Variants in KLHL29 observed in about 807,000 individuals in gnomAD.
The protein encoded by KLHL29 is kelch like family member 29.
Under a neutral mutation model 80.4 loss-of-function variants are expected in KLHL29, and 21 were observed. That is an observed-to-expected ratio of 0.26 (90% confidence interval 0.19 to 0.38). The LOEUF (loss-of-function observed/expected upper bound fraction) is 0.38, where lower values mean the gene tolerates loss of function less well. KLHL29 is among the 10% of genes least tolerant of loss of function. The pLI is 1.00. For missense variants in KLHL29, 867 were observed against 1,223.9 expected, an observed-to-expected ratio of 0.71 and a Z score of 4.35; for synonymous variants, 511 against 526.8, an observed-to-expected ratio of 0.97 and a Z score of 0.41.
At chr2:23,475,024 A>T (rs1387101047) in intron 1 of KLHL29, among the ~76,000 whole-genome samples, 6 of 151,534 alleles carry the variant, frequency 4.0e-5, no homozygotes, top group African/African-American at 1.2e-4. Flanking sequence ...AAAAAAAAAA[A>T]TTCTCCCCAG....
intron 2 of KLHL29, among the ~76,000 whole-genome samples, chr2:23,495,803 C>T (rs370075887): frequency 2.0e-5 from 3 of 152,210 alleles, no homozygotes; most frequent in South Asian, 2.1e-4. Context: ...AATCCCGCCA[C>T]GACTGTAGCA....
At chr2:23,388,914 G>T (rs1383101382) in intron 1 of KLHL29, among the ~76,000 whole-genome samples, 4 of 149,816 alleles carry the variant, frequency 2.7e-5, no homozygotes, top group Non-Finnish European at 4.4e-5. Context: ...CATCAATTCA[G>T]TCCAGCAGAA....
In KLHL29 at chr2:23,503,536, A is replaced by G. The variant is rs974898442; in HGVS notation, c.-46+27869A>G. On this transcript the variant is annotated intron_variant, in intron 2 of 13. Coordinates refer to ENST00000486442, the MANE Select transcript of KLHL29 (RefSeq NM_052920.2). The surrounding 1 kb of genome is among the most constrained non-coding windows in gnomAD (Gnocchi z 4.0). ...CCTAGGGATGGCTCCTGGTTCACGC[A>G]GGCTCCTCATAGGGTCCCTGCCGCT... Among the ~76,000 whole-genome samples, 1 of 151,930 alleles carries G rather than the reference A, an allele frequency of 6.6e-6. No individual in the cohort carries two copies. The highest frequency in any genetic ancestry group is 2.4e-5 in the African/African-American group (1 of 41,368).
intron 2 of KLHL29, among the ~76,000 whole-genome samples, chr2:23,493,425 A>AAG (rs1665163122): frequency 6.6e-6 from 1 of 152,188 alleles, no homozygotes; most frequent in African/African-American, 2.4e-5. Context: ...CCATGTATCT[A>AAG]ATCAGGGAGC....
chr2:23,699,572 G>A (rs981418982), intron 11 of KLHL29, among the ~76,000 whole-genome samples: 2 of 152,206 alleles, frequency 1.3e-5, no homozygotes, highest in African/African-American at 4.8e-5. Context: ...GCTGCCTCCT[G>A]TTGTCCTTTC....
At position 23,696,760 on chromosome 2, in the gene KLHL29, C is replaced by G. The variant is rs3795943; in HGVS notation, c.2105+247C>G. ...AGATGGGAGATGGGGCGCTTCTGTC[C>G]CGACAACCCATTTAGGTGTCAGACA... On this transcript the variant is annotated intron_variant, in intron 11 of 13. Coordinates refer to ENST00000486442, the MANE Select transcript of KLHL29 (RefSeq NM_052920.2). This position sits in a 1 kb window ranked among gnomAD's most constrained non-coding sequence, Gnocchi z 5.5. 0.56 allele frequency: 236,237 copies of G among 422,814 alleles called. 67,651 individuals carry two copies. The highest frequency in any genetic ancestry group is 0.81 in the East Asian group (17,071 of 21,006). 26.2% of individuals were successfully genotyped at this position (422,814 alleles called of 1,614,324 possible). A position where few individuals can be genotyped will look rare whatever the true frequency, so the allele number is the denominator to read the frequency against.
At chr2:23,406,478 T>C (rs188446535) in intron 1 of KLHL29, among the ~76,000 whole-genome samples, 3 of 152,352 alleles carry the variant, frequency 2.0e-5, no homozygotes, top group African/African-American at 4.8e-5. Flanking sequence ...TTTTTTACTT[T>C]AGTATACAAC....
intron 3 of KLHL29, among the ~76,000 whole-genome samples, chr2:23,622,277 C>T (rs1669202032): frequency 6.6e-6 from 1 of 152,216 alleles, no homozygotes; most frequent in Non-Finnish European, 1.5e-5. Context: ...ACATCATCCC[C>T]TCTGTTCATG....
At chr2:23,390,917 G>A (rs567661526) in intron 1 of KLHL29, among the ~76,000 whole-genome samples, 24 of 152,140 alleles carry the variant, frequency 1.6e-4, no homozygotes, top group Admixed American at 2.6e-4. Flanking sequence ...GCTTCCCAAA[G>A]TGCTGGGATT....
intron 2 of KLHL29, among the ~76,000 whole-genome samples, chr2:23,525,733 C>CCCG (rs1553335084): frequency 7.7e-6 from 1 of 129,474 alleles, no homozygotes; most frequent in Non-Finnish European, 1.6e-5. Context: ...CCTGCCCCCC[C>CCCG]CCCCCACCCG....
Position 23,695,797 on chromosome 2 carries a change from C to T in KLHL29, c.1717C>T (p.Arg573Ter), listed in dbSNP as rs1245821750. 1 of 1,550,160 alleles carries T rather than the reference C, an allele frequency of 6.5e-7. No individual in the cohort carries two copies. Residue 573 changes from arginine (R) to a stop codon, truncating the protein, a stop_gained, in exon 9 of 14, where the codon CGA (arginine) becomes TGA (stop). Coordinates refer to ENST00000486442, the MANE Select transcript of KLHL29 (RefSeq NM_052920.2). LOFTEE classifies it high-confidence loss of function. The surrounding 1 kb of genome is among the most constrained non-coding windows in gnomAD (Gnocchi z 7.6). ...PHARQEMQTP[R>*]TRPRLSAGVA... ...CGCCCGCCAGGAGATGCAGACGCCC[C>T]GAACCCGGCCGCGCCTCTCTGCAGG...
At chr2:23,606,582 G>A (rs531129553) in intron 3 of KLHL29, among the ~76,000 whole-genome samples, 8 of 152,280 alleles carry the variant, frequency 5.3e-5, no homozygotes, top group Admixed American at 2.0e-4. Flanking sequence ...TCTTATAAAC[G>A]CAATTAGCAG....
rs2149148272 is a variant in KLHL29 at position 23,628,928 on chromosome 2, T to C, written c.286-10211T>C. On this transcript the variant is annotated intron_variant, in intron 3 of 13. Coordinates refer to ENST00000486442, the MANE Select transcript of KLHL29 (RefSeq NM_052920.2). The stretch of plus-strand genomic sequence containing the variant: ...AGTCACTGCCCGCAGGGCCGGCAGT[T>C]GGAAAATGTCCTATCAAAGGCCAGA... Among the ~76,000 whole-genome samples the C allele has an allele frequency of 3.9e-5, 6 of 152,168 alleles. No homozygotes were observed. The South Asian group carries it at 1.2e-3, about 32-fold the overall frequency.
chr2:23,403,722 AGAGAGT>A (rs1248680869), intron 1 of KLHL29, among the ~76,000 whole-genome samples: 21 of 141,128 alleles, frequency 1.5e-4, no homozygotes, highest in African/African-American at 5.9e-4. Context: ...AGAGAGAGAG[AGAGAGT>A]GTGTGTGTGT....
At chr2:23,637,845 G>A (rs1669657935) in intron 3 of KLHL29, among the ~76,000 whole-genome samples, 1 of 152,010 alleles carries the variant, frequency 6.6e-6, no homozygotes, top group Non-Finnish European at 1.5e-5. Context: ...CCTCACCTGA[G>A]AGGCCTGCAG....
At chr2:23,428,909 A>G (rs927788588) in intron 1 of KLHL29, among the ~76,000 whole-genome samples, 2 of 152,228 alleles carry the variant, frequency 1.3e-5, no homozygotes, top group South Asian at 4.1e-4. Context: ...GACAATATAT[A>G]GAAAGTTCTA....
intron 1 of KLHL29, among the ~76,000 whole-genome samples, chr2:23,438,095 G>T (rs1291892454): frequency 6.6e-6 from 1 of 150,518 alleles, no homozygotes; most frequent in Non-Finnish European, 1.5e-5. Context: ...GTTCACTCAT[G>T]ATTTGGCTCT....
At chr2:23,659,444 G>A (rs1284152966) in intron 5 of KLHL29, among the ~76,000 whole-genome samples, 1 of 152,192 alleles carries the variant, frequency 6.6e-6, no homozygotes, top group African/African-American at 2.4e-5. Flanking sequence ...CCAGGCAGTT[G>A]AGTGTCAGCA....
intron 5 of KLHL29, among the ~76,000 whole-genome samples, chr2:23,672,982 C>CA (rs890221188): frequency 1.3e-5 from 2 of 152,204 alleles, no homozygotes; most frequent in Non-Finnish European, 2.9e-5. Context: ...TTTTCAGTGT[C>CA]AGAGACAAAG....
Sources: gnomAD v4.1 joint callset for allele counts (sites outside exome capture counted in the v4.1 genomes callset) on GRCh38, gnomAD v4.1.1 for gene constraint, Gnocchi (gnomAD v3.1) non-coding constraint, MANE v1.5 for transcripts, NCBI Gene and HGNC (gene_info 2026-07-23, HGNC 2026-07-21) for gene names.